PAPLN: variants seen among roughly 807,000 people sequenced by gnomAD.
PAPLN encodes papilin.
In PAPLN, 146 loss-of-function variants were observed where a neutral mutation model predicts 159.0. The ratio of observed to expected loss-of-function variants is 0.92; its 90% confidence interval spans 0.80 to 1.05. The LOEUF (loss-of-function observed/expected upper bound fraction) is 1.05, where lower values mean the gene tolerates loss of function less well. Among genes scored for constraint, PAPLN ranks in the 50% least tolerant of loss-of-function variants. The probability of loss-of-function intolerance (pLI) is 0.00; values close to 1 mark genes in which losing one functional copy is unlikely to be tolerated. For synonymous variants in PAPLN, 734 were observed against 702.9 expected, an observed-to-expected ratio of 1.04 and a Z score of -0.70; for missense variants, 1,720 against 1,743.9, an observed-to-expected ratio of 0.99 and a Z score of 0.24.
At chr14:73,252,560 G>C in intron 10 of PAPLN, 89 bp from the exon 11 acceptor site, 1 of 1,504,684 alleles carries the variant, frequency 6.6e-7, no homozygotes. Flanking sequence ...GATGACCTGT[G>C]GGGTGAGTGC....
At chr14:73,258,249 T>C (rs1222606129) in intron 14 of PAPLN, among the ~76,000 whole-genome samples, 1 of 152,204 alleles carries the variant, frequency 6.6e-6, no homozygotes, top group East Asian at 1.9e-4. Flanking sequence ...GACCTCATTG[T>C]GGTTTTGATT....
intron 5 of PAPLN, among the ~76,000 whole-genome samples, chr14:73,246,614 C>CT (rs981166840): frequency 6.8e-6 from 1 of 147,532 alleles, no homozygotes; most frequent in East Asian, 2.0e-4. Flanking sequence ...CTTTCCTTTC[C>CT]TTTTTTTCTT....
chr14:73,264,044 GGTGT>G (rs1374641317), intron 20 of PAPLN, 163 bp from the exon 21 acceptor site: 1 of 1,537,822 alleles, frequency 6.5e-7, no homozygotes, highest in Non-Finnish European at 8.7e-7. Context: ...TCCGCTGACA[GGTGT>G]GTGTGACAGC....
intron 5 of PAPLN, among the ~76,000 whole-genome samples, chr14:73,247,796 CCGTG>C (rs1325660663): frequency 0.067 from 4,032 of 60,562 alleles, 1,136 homozygotes; most frequent in African/African-American, 0.15. Context: ...GTCTCTTATC[CCGTG>C]TGTGTGTGTG....
At position 73,266,785 on chromosome 14, in the gene PAPLN, C is replaced by G. The variant is rs1887253993; in HGVS notation, c.3454C>G (p.Leu1152Val). 1.2e-6 allele frequency: 2 copies of G among 1,613,708 alleles called. No homozygotes were observed. The highest frequency in any genetic ancestry group is 1.7e-5 in the Admixed American group (1 of 59,936). The change falls in exon 25 of 27, where the codon CTA becomes GTA. Residue 1152 changes from leucine (L) to valine (V), a missense_variant. Physicochemically the swap from Leu to Val is conservative, Grantham distance 32. Transcript: ENST00000644200. ...AGTGCCAGAGGGTGATACGGCCAGG[C>G]TATTGTGTGTGGTAGCAGGAGAAAG... ...VTVPEGDTAR[L>V]LCVVAGESVN...
chr14:73,264,871 G>C, intron 22 of PAPLN, 145 bp downstream of exon 22: 1 of 1,339,980 alleles, frequency 7.5e-7, no homozygotes, highest in South Asian at 1.4e-5. Flanking sequence ...TAGAAAAACA[G>C]GGCTCCCAGA....
At position 73,246,150 on chromosome 14, in the gene PAPLN, G is replaced by T. The variant is rs750261804; in HGVS notation, c.309G>T (p.Arg103=). Residue 103 remains arginine (R), a synonymous_variant, in exon 5 of 27, where the codon CGG becomes CGT. Coordinates refer to ENST00000644200, the MANE Select transcript of PAPLN (RefSeq NM_001365906.3). The part of the protein sequence containing the change: ...EFDGAEFQGR[R]YRWLPYYSAP... ...ACGGAGCGGAGTTCCAGGGGCGGCG[G>T]TATCGGTGGCTGCCCTACTACAGCG... The T allele has an allele frequency of 1.9e-6, 3 of 1,590,462 alleles. No homozygotes were observed. In the South Asian group the frequency reaches 3.4e-5, roughly 18 times the overall value.
Position 73,262,637 on chromosome 14 carries a change from G to A in PAPLN, c.2533G>A (p.Ala845Thr). The change falls in exon 19 of 27, where the codon GCC becomes ACC. Residue 845 changes from alanine (A) to threonine (T), a missense_variant. Physicochemically the swap from Ala to Thr is moderately conservative, Grantham distance 58. Coordinates refer to ENST00000644200, the MANE Select transcript of PAPLN (RefSeq NM_001365906.3). ...GGAACCCAGCCAGCACAGGACAGGGGCCGCGGTGCAGAGAAAGCCCTGGCC... is the reference window on the plus strand; with the variant it reads ...GGAACCCAGCCAGCACAGGACAGGGACCGCGGTGCAGAGAAAGCCCTGGCC... ...EQEPSQHRTG[A>T]AVQRKPWPSG... The A allele has an allele frequency of 2.6e-6, 4 of 1,516,714 alleles. No individual in the cohort carries two copies. The highest frequency in any genetic ancestry group is 2.7e-6 in the Non-Finnish European group (3 of 1,127,900). 94.0% of individuals were successfully genotyped at this position (1,516,714 alleles called of 1,614,324 possible).
intron 1 of PAPLN, among the ~76,000 whole-genome samples, chr14:73,238,190 G>C (rs1594768227): frequency 6.6e-6 from 1 of 152,334 alleles, no homozygotes; most frequent in East Asian, 1.9e-4. Context: ...GACCCTGTAG[G>C]GGGAGGCTTG....
chr14:73,253,184 G>C (rs1414698943), intron 11 of PAPLN: 3 of 1,362,668 alleles, frequency 2.2e-6, no homozygotes, highest in East Asian at 8.9e-5. Context: ...CACCGGCCTG[G>C]AGCGTGGCGC....
At chr14:73,239,607 C>T in intron 1 of PAPLN, 166 bp from the exon 2 acceptor site, 1 of 1,331,748 alleles carries the variant, frequency 7.5e-7, no homozygotes, top group Non-Finnish European at 9.7e-7. Flanking sequence ...GGCGGGGCGC[C>T]CTCACGCTGT....
At chr14:73,257,063 C>A (rs1013279087) in intron 14 of PAPLN, among the ~76,000 whole-genome samples, 2 of 152,178 alleles carry the variant, frequency 1.3e-5, no homozygotes, top group Non-Finnish European at 2.9e-5. Flanking sequence ...CCTCCACGTT[C>A]TGGGCTCAAG....
intron 16 of PAPLN, 126 bp from the exon 17 acceptor site, chr14:73,260,583 C>A (rs56791057): frequency 2.4e-6 from 3 of 1,229,528 alleles, no homozygotes; most frequent in African/African-American, 1.6e-5. Context: ...CACGGGGACA[C>A]GTCCTCTCCC....
intron 14 of PAPLN, among the ~76,000 whole-genome samples, chr14:73,257,409 C>T (rs1566692262): frequency 3.0e-5 from 1 of 33,720 alleles, no homozygotes; most frequent in Non-Finnish European, 7.3e-5. Flanking sequence ...GGCATTATTT[C>T]AGGGGGGGTC....
At chr14:73,266,117 G>A (rs1229719896) in intron 23 of PAPLN, among the ~76,000 whole-genome samples, 4 of 152,150 alleles carry the variant, frequency 2.6e-5, no homozygotes, top group Non-Finnish European at 4.4e-5. Flanking sequence ...GACGGGGGTG[G>A]ATCACGAGGT....
intron 25 of PAPLN, among the ~76,000 whole-genome samples, chr14:73,267,837 C>T (rs1887370931): frequency 2.0e-5 from 3 of 152,214 alleles, no homozygotes; most frequent in Admixed American, 2.0e-4. Flanking sequence ...GAACTCCCCT[C>T]TTCACAACCA....
rs1247520070 is a variant in PAPLN at position 73,239,182 on chromosome 14, TCA to T, written c.-6-587_-6-586del. ...GCACACTGCACTGCACTTTCAGGGC[TCA>T]CACGCTGCACCACGCACACTGCACG... On this transcript the variant is annotated intron_variant, in intron 1 of 26. Transcript: ENST00000644200. Among the ~76,000 whole-genome samples the T allele has an allele frequency of 2.0e-5, 3 of 151,924 alleles. No homozygotes were observed. The East Asian group carries it at 5.8e-4, about 29-fold the overall frequency.
rs545356116 is a variant in PAPLN, at chr14:73,264,273, C to T, written c.2924C>T (p.Thr975Ile). The T allele has an allele frequency of 7.0e-5, 113 of 1,614,046 alleles. No homozygotes were observed. In the South Asian group the frequency reaches 9.2e-4, roughly 13 times the overall value. The change falls in exon 21 of 27, where the codon ACC becomes ATC. Residue 975 changes from threonine (T) to isoleucine (I), a missense_variant. Transcript: ENST00000644200. ...IHPLQAEDAG[T>I]YSCGSTRPGR... The stretch of plus-strand genomic sequence containing the variant: ...CCCCTGCAGGCAGAGGACGCGGGCA[C>T]CTACAGCTGTGGCAGCACCCGGCCA...
In PAPLN at chr14:73,266,532, A is replaced by G. The variant is rs1257298696; in HGVS notation, c.3295A>G (p.Ile1099Val). The G allele has an allele frequency of 6.2e-7, 1 of 1,614,162 alleles. No homozygotes were observed. The highest frequency in any genetic ancestry group is 2.2e-5 in the East Asian group (1 of 44,876). Reference sequence around the variant, plus strand: ...GCTGCAGCCTGATGGCTCCCTGGTCATTAGCCGAGTGGCTGTAGAAGATGG... The same window carrying G: ...GCTGCAGCCTGATGGCTCCCTGGTCGTTAGCCGAGTGGCTGTAGAAGATGG... Reference protein sequence around the residue: ...HQLQPDGSLVISRVAVEDGGF... With the variant: ...HQLQPDGSLVVSRVAVEDGGF... The change falls in exon 24 of 27, where the codon ATT becomes GTT. Residue 1099 changes from isoleucine (I) to valine (V), a missense_variant. Physicochemically the swap from Ile to Val is conservative, Grantham distance 29 (BLOSUM62 3). Coordinates refer to ENST00000644200, the MANE Select transcript of PAPLN (RefSeq NM_001365906.3).
Sources: gnomAD v4.1 joint callset for allele counts (sites outside exome capture counted in the v4.1 genomes callset) on GRCh38, gnomAD v4.1.1 for gene constraint, MANE v1.5 for transcripts, NCBI Gene and HGNC (gene_info 2026-07-23, HGNC 2026-07-21) for gene names.